The following PTPN12 variants were observed in gnomAD, a reference collection of about 807,000 sequenced individuals.
The protein encoded by PTPN12 is protein tyrosine phosphatase non-receptor type 12.
In PTPN12, 29 loss-of-function variants were observed where a neutral mutation model predicts 97.6. The ratio of observed to expected loss-of-function variants is 0.30; its 90% confidence interval spans 0.22 to 0.41. PTPN12 has a LOEUF of 0.41. PTPN12 is among the 10% of genes least tolerant of loss of function. The probability of loss-of-function intolerance (pLI) is 1.00; values close to 1 mark genes in which losing one functional copy is unlikely to be tolerated. For missense variants in PTPN12, 819 were observed against 926.0 expected (o/e 0.88, Z 1.50); for synonymous variants, 327 against 300.4 (o/e 1.09, Z -0.91).
At position 77,639,507 on chromosome 7, in the gene PTPN12, C is replaced by G. The variant is rs1789723635; in HGVS notation, c.*227C>G. On this transcript the variant is annotated 3_prime_UTR_variant, in exon 18 of 18. Coordinates refer to ENST00000248594, the MANE Select transcript of PTPN12 (RefSeq NM_002835.4). ...TATTATTGCCTTAATGTCTCTTAAC[C>G]CTGTTACACGCTGCTTGTAGACATG... 58 of 481,254 alleles carry G rather than the reference C, an allele frequency of 1.2e-4. 2 individuals carry two copies. The South Asian group carries it at 2.0e-3, about 17-fold the overall frequency. 29.8% of individuals were successfully genotyped at this position (481,254 alleles called of 1,614,324 possible).
chr7:77,625,920 C>T (rs527978752), intron 12 of PTPN12, among the ~76,000 whole-genome samples: 85 of 152,032 alleles, frequency 5.6e-4, no homozygotes, highest in African/African-American at 1.9e-3. Context: ...ATAACCCACC[C>T]GAACAAAGGA....
At position 77,632,467 on chromosome 7, in the gene PTPN12, T is replaced by TA. The variant is rs540630425; in HGVS notation, c.2074+44dup. 2,019 of 1,434,924 alleles carry TA rather than the reference T, an allele frequency of 1.4e-3. 34 individuals carry two copies. The South Asian group carries it at 0.021, about 15-fold the overall frequency. The allele number at this position is 1,434,924 out of a possible 1,614,324, so 88.9% of individuals were successfully genotyped here. On this transcript the variant is annotated intron_variant, in intron 14 of 17. Coordinates refer to ENST00000248594, the MANE Select transcript of PTPN12 (RefSeq NM_002835.4). ...CTTTTACATTTACTTCATATTCTAA[T>TA]AATAAACTCCGAAAAACATACCTGA...
chr7:77,599,827 TTC>T (rs1164174435), intron 7 of PTPN12, among the ~76,000 whole-genome samples: 8 of 152,208 alleles, frequency 5.3e-5, no homozygotes, highest in African/African-American at 1.9e-4. Flanking sequence ...GTATTGCTCT[TTC>T]TGTTAAACAC....
At chr7:77,587,117 A>G (rs1247762847) in intron 5 of PTPN12, among the ~76,000 whole-genome samples, 2 of 152,020 alleles carry the variant, frequency 1.3e-5, no homozygotes, top group African/African-American at 4.8e-5. Flanking sequence ...AATGTAATTA[A>G]TTGCATCTAG....
intron 1 of PTPN12, among the ~76,000 whole-genome samples, chr7:77,556,359 C>A (rs1807711965): frequency 6.6e-6 from 1 of 152,034 alleles, no homozygotes. Context: ...CACCCAGAGC[C>A]AAGGTCTCAG....
chr7:77,564,741 G>T (rs1465221944), intron 1 of PTPN12, among the ~76,000 whole-genome samples: 3 of 54,256 alleles, frequency 5.5e-5, no homozygotes, highest in African/African-American at 1.3e-4. Context: ...GTTTTTTGTT[G>T]TCGTGTTTTT....
intron 11 of PTPN12, among the ~76,000 whole-genome samples, chr7:77,614,166 T>C (rs1214482536): frequency 6.6e-6 from 1 of 152,202 alleles, no homozygotes. Flanking sequence ...ATTACAGGCA[T>C]GAGCCATTGT....
intron 5 of PTPN12, among the ~76,000 whole-genome samples, chr7:77,588,495 C>T (rs1185764823): frequency 6.6e-6 from 1 of 152,098 alleles, no homozygotes; most frequent in East Asian, 1.9e-4. Flanking sequence ...GATCAGATTA[C>T]AATAACAGAT....
Position 77,614,094 on chromosome 7 carries a change from G to C in PTPN12, c.939+3048G>C, listed in dbSNP as rs2868788. Among the ~76,000 whole-genome samples the C allele has an allele frequency of 3.9e-3, 583 of 150,406 alleles. 3 individuals carry two copies. The highest frequency in any genetic ancestry group is 0.013 in the African/African-American group (541 of 41,318). ...TTTTTTTTTGTAGAGATGTTGCCAGGTTGGTCTTGAGCTCCTGGGCTCCAA... is the reference window on the plus strand; with the variant it reads ...TTTTTTTTTGTAGAGATGTTGCCAGCTTGGTCTTGAGCTCCTGGGCTCCAA... On this transcript the variant is annotated intron_variant, in intron 11 of 17. Transcript: ENST00000248594.
rs185271881 is a variant in PTPN12, at chr7:77,602,768, T to A, written c.695+1962T>A. On this transcript the variant is annotated intron_variant, in intron 8 of 17. Transcript: ENST00000248594. ...TTAGACAGTTTTTCTACTCTGAATT[T>A]TTAGTTTACATTAGATTCTTCTAAA... 1.2e-3 allele frequency among the ~76,000 whole-genome samples: 176 copies of A among 152,330 alleles called. 1 individual carries two copies. The highest frequency in any genetic ancestry group is 4.1e-3 in the African/African-American group (170 of 41,574).
In PTPN12 at chr7:77,584,746, G is replaced by A. The variant is rs1011407986; in HGVS notation, c.382-797G>A. ...CAAAAAATTAGCTGGACGTGGTGGC[G>A]GGCGCCTGTAGTCCCAGCTACTCAG... On this transcript the variant is annotated intron_variant, in intron 4 of 17. Transcript: ENST00000248594. Among the ~76,000 whole-genome samples the A allele has an allele frequency of 7.9e-5, 12 of 152,072 alleles. No homozygotes were observed. In the East Asian group the frequency reaches 2.1e-3, roughly 27 times the overall value.
intron 13 of PTPN12, among the ~76,000 whole-genome samples, chr7:77,631,493 T>C (rs888463574): frequency 6.6e-6 from 1 of 152,182 alleles, no homozygotes; most frequent in African/African-American, 2.4e-5. Flanking sequence ...TTTTTCTTTA[T>C]CCCACCCTCC....
At chr7:77,560,179 A>AT (rs1369994731) in intron 1 of PTPN12, among the ~76,000 whole-genome samples, 3 of 152,160 alleles carry the variant, frequency 2.0e-5, no homozygotes, top group Non-Finnish European at 2.9e-5. Context: ...ACTTAAAAAT[A>AT]TTTTTTGGGA....
chr7:77,635,921 T>C (rs1584229908), intron 15 of PTPN12, 72 bp downstream of exon 15: 1 of 976,486 alleles, frequency 1.0e-6, no homozygotes, highest in East Asian at 2.7e-5. Context: ...CTTGCAGTTG[T>C]TGAAATAGCT....
chr7:77,538,081 G>C (rs1376908896), intron 1 of PTPN12: 2 of 992,350 alleles, frequency 2.0e-6, no homozygotes, highest in South Asian at 4.4e-5. Flanking sequence ...GCAGATCGTG[G>C]CTGACAGAGG....
At chr7:77,550,188 T>G (rs1224638161) in intron 1 of PTPN12, among the ~76,000 whole-genome samples, 1 of 152,192 alleles carries the variant, frequency 6.6e-6, no homozygotes, top group Admixed American at 6.5e-5. Context: ...GTTGGTTGTC[T>G]GTGCCCAAGA....
At chr7:77,542,209 A>G (rs1807011988) in intron 1 of PTPN12, among the ~76,000 whole-genome samples, 1 of 152,196 alleles carries the variant, frequency 6.6e-6, no homozygotes, top group African/African-American at 2.4e-5. Context: ...GCAATTCTGG[A>G]CAGTCTGCAT....
chr7:77,600,235 C>T (rs769108161), intron 7 of PTPN12, among the ~76,000 whole-genome samples: 2 of 152,166 alleles, frequency 1.3e-5, no homozygotes, highest in Non-Finnish European at 2.9e-5. Context: ...GAATACTACT[C>T]TAACCTACTC....
At chr7:77,630,074 C>T (rs191101232) in intron 13 of PTPN12, among the ~76,000 whole-genome samples, 4 of 152,162 alleles carry the variant, frequency 2.6e-5, no homozygotes. Flanking sequence ...TTTTACTCAA[C>T]CTTAACTATG....
Sources: allele counts gnomAD v4.1 joint callset (sites outside exome capture counted in the v4.1 genomes callset), GRCh38; gene constraint gnomAD v4.1.1; transcripts MANE v1.5; gene names NCBI Gene and HGNC (gene_info 2026-07-23, HGNC 2026-07-21).